The following NRXN3 variants were observed in gnomAD, a reference collection of about 807,000 sequenced individuals.
The protein encoded by NRXN3 is neurexin 3.
A neutral mutation model predicts 137.6 loss-of-function variants in NRXN3; 32 were observed. That is an observed-to-expected ratio of 0.23 (90% CI 0.18 to 0.31). The LOEUF is 0.31. Among genes scored for constraint, NRXN3 ranks in the 10% least tolerant of loss-of-function variants. The pLI is 1.00. For synonymous variants in NRXN3, 798 were observed against 784.5 expected (o/e 1.02, Z -0.29); for missense variants, 1,574 against 2,062.5 (o/e 0.76, Z 4.59).
intron 5 of NRXN3, among the ~76,000 whole-genome samples, chr14:78,648,402 A>G (rs574093580): frequency 8.5e-5 from 13 of 152,188 alleles, no homozygotes; most frequent in Non-Finnish European, 1.5e-4. Context: ...CCTGCTATCC[A>G]TACAATAAAT....
intron 15 of NRXN3, among the ~76,000 whole-genome samples, chr14:79,006,944 A>G (rs752364264): frequency 6.6e-6 from 1 of 152,166 alleles, no homozygotes; most frequent in Non-Finnish European, 1.5e-5. Flanking sequence ...TTCTTGCTCA[A>G]ACTCACTACT....
intron 19 of NRXN3, among the ~76,000 whole-genome samples, chr14:79,776,137 A>G (rs1288282059): frequency 2.0e-5 from 3 of 152,158 alleles, no homozygotes; most frequent in Non-Finnish European, 2.9e-5. Flanking sequence ...TTTCCACTAC[A>G]GCTTTCTCTG....
intron 19 of NRXN3, among the ~76,000 whole-genome samples, chr14:79,775,344 C>T (rs145481652): frequency 1.3e-4 from 19 of 151,960 alleles, no homozygotes; most frequent in Non-Finnish European, 1.2e-4. Flanking sequence ...CCTGGAAAAC[C>T]TCCACATATA....
chr14:78,939,419 A>C (rs1183190251), intron 10 of NRXN3, among the ~76,000 whole-genome samples: 1 of 152,234 alleles, frequency 6.6e-6, no homozygotes, highest in Non-Finnish European at 1.5e-5. Context: ...ATCCTTGGTT[A>C]CACAATGTTC....
At chr14:79,738,595 G>C (rs927113888) in intron 19 of NRXN3, among the ~76,000 whole-genome samples, 43 of 152,158 alleles carry the variant, frequency 2.8e-4, no homozygotes, top group African/African-American at 9.7e-4. Context: ...TTTCACTCTT[G>C]TCACCCAGGC....
At position 79,126,228 on chromosome 14, in the gene NRXN3, G is replaced by C. The variant is rs186246015; in HGVS notation, c.3262+138087G>C. 4.9e-3 allele frequency among the ~76,000 whole-genome samples: 750 copies of C among 152,006 alleles called. 4 individuals are homozygous for C. The highest frequency in any genetic ancestry group is 0.041 in the South Asian group (196 of 4,818). ...TTAGGGTACATGTGCACAATGTGCA[G>C]GTTAGTTACCTATGTATACATGTGC... On this transcript the variant is annotated intron_variant, in intron 15 of 20. Coordinates refer to ENST00000335750, the MANE Select transcript of NRXN3 (RefSeq NM_001330195.2).
At chr14:78,670,829 G>C (rs1014627188) in intron 6 of NRXN3, among the ~76,000 whole-genome samples, 11 of 152,160 alleles carry the variant, frequency 7.2e-5, no homozygotes, top group African/African-American at 2.7e-4. Flanking sequence ...TTTCTGGTTT[G>C]GCAACATTAA....
intron 15 of NRXN3, among the ~76,000 whole-genome samples, chr14:79,256,207 C>CA (rs1568810784): frequency 1.3e-5 from 2 of 151,002 alleles, no homozygotes; most frequent in Non-Finnish European, 2.9e-5. Context: ...ACACACACAC[C>CA]CCCCAGAAGA....
chr14:79,395,991 A>G (rs539849662), intron 15 of NRXN3, among the ~76,000 whole-genome samples: 1 of 152,322 alleles, frequency 6.6e-6, no homozygotes, highest in South Asian at 2.1e-4. Flanking sequence ...TATATGTACA[A>G]ATAAATTTGC....
At chr14:78,884,411 C>T (rs1011474139) in intron 10 of NRXN3, among the ~76,000 whole-genome samples, 1 of 152,128 alleles carries the variant, frequency 6.6e-6, no homozygotes, top group Non-Finnish European at 1.5e-5. Context: ...TGTTTGCACT[C>T]CTGCCCACAT....
intron 16 of NRXN3, among the ~76,000 whole-genome samples, chr14:79,579,876 G>A (rs2097698797): frequency 6.6e-6 from 1 of 152,006 alleles, no homozygotes; most frequent in Non-Finnish European, 1.5e-5. Context: ...TCAAACATTA[G>A]AACTTAAACC....
chr14:79,037,391 C>T (rs1032838089), intron 15 of NRXN3, among the ~76,000 whole-genome samples: 3 of 152,106 alleles, frequency 2.0e-5, no homozygotes, highest in Non-Finnish European at 4.4e-5. Context: ...TCTTTGTTAT[C>T]ATGGTGTATG....
intron 4 of NRXN3, among the ~76,000 whole-genome samples, chr14:78,596,434 T>G (rs2097158725): frequency 6.6e-6 from 1 of 152,188 alleles, no homozygotes; most frequent in Non-Finnish European, 1.5e-5. Context: ...CTTCCCCATC[T>G]GTAAAATGGA....
chr14:78,444,269 A>G (rs1385283717), intron 4 of NRXN3, among the ~76,000 whole-genome samples: 2 of 152,228 alleles, frequency 1.3e-5, no homozygotes, highest in African/African-American at 4.8e-5. Flanking sequence ...AAACAGGCTT[A>G]GAGGATTTCA....
chr14:78,405,733 C>T (rs1196880176), intron 4 of NRXN3, among the ~76,000 whole-genome samples: 1 of 152,088 alleles, frequency 6.6e-6, no homozygotes, highest in Non-Finnish European at 1.5e-5. Flanking sequence ...AGCTAATATT[C>T]CCAGACTTGG....
chr14:79,311,503 G>A (rs1390671482), intron 15 of NRXN3, among the ~76,000 whole-genome samples: 5 of 66,286 alleles, frequency 7.5e-5, no homozygotes, highest in African/African-American at 1.8e-4. Context: ...AGTTTCAGAA[G>A]GAATGGTACC....
intron 4 of NRXN3, among the ~76,000 whole-genome samples, chr14:78,606,246 A>T (rs538111878): frequency 1.3e-5 from 2 of 152,242 alleles, no homozygotes; most frequent in African/African-American, 4.8e-5. Context: ...TGCTCAATGC[A>T]TGACTCTTGA....
At chr14:78,991,050 G>T (rs988164822) in intron 15 of NRXN3, among the ~76,000 whole-genome samples, 2 of 152,200 alleles carry the variant, frequency 1.3e-5, no homozygotes, top group African/African-American at 2.4e-5. Flanking sequence ...CCTGTATCAG[G>T]ACTCAAGTGT....
intron 15 of NRXN3, among the ~76,000 whole-genome samples, chr14:79,250,774 A>C (rs1001684640): frequency 3.9e-5 from 6 of 152,224 alleles, no homozygotes; most frequent in African/African-American, 1.4e-4. Context: ...GAGAAACTCT[A>C]ATCAGGAATT....
Sources: gnomAD v4.1 joint callset for allele counts (sites outside exome capture counted in the v4.1 genomes callset) on GRCh38, gnomAD v4.1.1 for gene constraint, MANE v1.5 for transcripts, NCBI Gene and HGNC (gene_info 2026-07-23, HGNC 2026-07-21) for gene names.